UBAP1: variants seen among roughly 807,000 people sequenced by gnomAD.
UBAP1 encodes the protein ubiquitin-associated protein 1.
In UBAP1, 5 loss-of-function variants were observed where a neutral mutation model predicts 39.0. That is an observed-to-expected ratio of 0.13 (90% CI 0.07 to 0.27). The LOEUF (loss-of-function observed/expected upper bound fraction) is 0.27, where lower values mean the gene tolerates loss of function less well. Ranked by LOEUF, UBAP1 falls within the 10% of genes least tolerant of loss-of-function variation. UBAP1 has a pLI of 1.00. For synonymous variants in UBAP1, 211 were observed against 225.1 expected (o/e 0.94, Z 0.56); for missense variants, 490 against 608.1 (o/e 0.81, Z 2.04).
At chr9:34,203,817 A>C (rs1007397865) in intron 1 of UBAP1, among the ~76,000 whole-genome samples, 2 of 152,086 alleles carry the variant, frequency 1.3e-5, no homozygotes, top group Admixed American at 1.3e-4. Context: ...CTTTAGGCCT[A>C]CAGTGTTCCC....
intron 1 of UBAP1, among the ~76,000 whole-genome samples, chr9:34,217,783 C>CTTT (rs750494361): frequency 0.1 from 4,311 of 41,216 alleles, 1,355 homozygotes; most frequent in Middle Eastern, 0.25. Context: ...GGATTTCGTT[C>CTTT]TTTTTTTTTT....
intron 2 of UBAP1, among the ~76,000 whole-genome samples, chr9:34,226,944 C>T (rs10814080): frequency 0.17 from 25,920 of 152,064 alleles, 2,504 homozygotes; most frequent in East Asian, 0.44. Flanking sequence ...TCTGCTCACA[C>T]ATGTTTAGTT....
At chr9:34,225,254 C>A (rs1045914858) in intron 2 of UBAP1, among the ~76,000 whole-genome samples, 2 of 151,904 alleles carry the variant, frequency 1.3e-5, no homozygotes, top group African/African-American at 4.8e-5. Flanking sequence ...CTGACTAGGT[C>A]TGGTGCTGTG....
chr9:34,234,422 A>G, intron 3 of UBAP1, 82 bp downstream of exon 3: 3 of 1,464,900 alleles, frequency 2.0e-6, no homozygotes, highest in South Asian at 1.4e-5. Flanking sequence ...AATAGAAAAA[A>G]TTACAGTTGT....
chr9:34,194,954 A>G (rs1485718386), intron 1 of UBAP1, among the ~76,000 whole-genome samples: 1 of 152,182 alleles, frequency 6.6e-6, no homozygotes, highest in Non-Finnish European at 1.5e-5. Context: ...AACTTGTACA[A>G]GGGATACGTA....
At chr9:34,186,532 A>G (rs1458277224) in intron 1 of UBAP1, among the ~76,000 whole-genome samples, 4 of 152,122 alleles carry the variant, frequency 2.6e-5, no homozygotes, top group Non-Finnish European at 4.4e-5. Context: ...AACACTTGAT[A>G]TTGTCAGATT....
At chr9:34,182,591 GTTCT>G (rs1184957104) in intron 1 of UBAP1, among the ~76,000 whole-genome samples, 1 of 151,144 alleles carries the variant, frequency 6.6e-6, no homozygotes, top group East Asian at 1.9e-4. Flanking sequence ...AGCTTTTCGT[GTTCT>G]TTTTTCTTTT....
Position 34,251,302 on chromosome 9 carries a change from C to G in UBAP1, c.1369-90C>G, listed in dbSNP as rs965589468. On this transcript the variant is annotated intron_variant, in intron 6 of 6. Coordinates refer to ENST00000297661, the MANE Select transcript of UBAP1 (RefSeq NM_016525.5). ...GAAGGATGTAGACATTCTGCTCTCC[C>G]CCAGTCCCCGTCCCACACACACACT... 5 of 1,399,680 alleles carry G rather than the reference C, an allele frequency of 3.6e-6. No homozygotes were observed. In the African/African-American group the frequency reaches 7.1e-5, roughly 20 times the overall value. The allele number at this position is 1,399,680 out of a possible 1,614,324, so 86.7% of individuals were successfully genotyped here.
chr9:34,181,116 C>CTTTTT (rs67856544), intron 1 of UBAP1, among the ~76,000 whole-genome samples: 60 of 72,092 alleles, frequency 8.3e-4, no homozygotes, highest in Admixed American at 1.6e-3. Context: ...GGCCTGTTTT[C>CTTTTT]TTTTTTTTTT....
intron 2 of UBAP1, among the ~76,000 whole-genome samples, chr9:34,225,002 C>T (rs1262900517): frequency 2.0e-5 from 3 of 152,322 alleles, no homozygotes; most frequent in African/African-American, 7.2e-5. Context: ...CTTTCAGTTT[C>T]AGTGGCTAGC....
chr9:34,222,124 AC>A (rs1438425590), intron 2 of UBAP1, among the ~76,000 whole-genome samples: 2 of 152,118 alleles, frequency 1.3e-5, no homozygotes, highest in South Asian at 2.1e-4. Flanking sequence ...CCTGACTCAA[AC>A]AAAAAAAATA....
chr9:34,241,310 C>T lies in UBAP1; in HGVS notation c.285C>T (p.Gly95=). 1 of 1,516,596 alleles carries T rather than the reference C, an allele frequency of 6.6e-7. No individual in the cohort carries two copies. The allele number at this position is 1,516,596 out of a possible 1,614,324, so 93.9% of individuals were successfully genotyped here. A position where few individuals can be genotyped will look rare whatever the true frequency, so the allele number is the denominator to read the frequency against. ...EAEAKVNSKS[G]PEGDSKMSFS... is the part of the protein sequence containing the mutation. ...AAGCTAAAGTGAATTCTAAGAGTGG[C>T]CCAGAGGGCGATAGCAAAATGAGCT... The change falls in exon 4 of 7, where the codon GGC becomes GGT. Residue 95 remains glycine, a synonymous_variant. Transcript: ENST00000297661.
chr9:34,196,805 C>T (rs1831086078), intron 1 of UBAP1, among the ~76,000 whole-genome samples: 1 of 151,716 alleles, frequency 6.6e-6, no homozygotes, highest in South Asian at 2.1e-4. Flanking sequence ...TTATTTGGTT[C>T]AGTCATTATA....
At chr9:34,248,942 A>C (rs1834323072) in intron 4 of UBAP1, among the ~76,000 whole-genome samples, 1 of 152,082 alleles carries the variant, frequency 6.6e-6, no homozygotes, top group Non-Finnish European at 1.5e-5. Context: ...TTGGCCTGGG[A>C]GTGTGCTGTC....
chr9:34,192,515 C>CAAAAAAA (rs4008753), intron 1 of UBAP1, among the ~76,000 whole-genome samples: 1 of 107,506 alleles, frequency 9.3e-6, no homozygotes, highest in Non-Finnish European at 1.8e-5. Flanking sequence ...GACTCCATCT[C>CAAAAAAA]AAAAAAAAAA....
At position 34,240,611 on chromosome 9, in the gene UBAP1, T is replaced by TA. The variant is rs1354543913; in HGVS notation, c.160-572dup. On this transcript the variant is annotated intron_variant, in intron 3 of 6. Coordinates refer to ENST00000297661, the MANE Select transcript of UBAP1 (RefSeq NM_016525.5). The stretch of plus-strand genomic sequence containing the variant: ...TGTGTAATTTGCTGTGTAAAAATCT[T>TA]AATCTGATTTCTTATAAGTTTTTCT... Among the ~76,000 whole-genome samples, 21 of 152,348 alleles carry TA rather than the reference T, an allele frequency of 1.4e-4. No individual in the cohort carries two copies. In the South Asian group the frequency reaches 3.7e-3, roughly 27 times the overall value.
At chr9:34,210,217 G>A (rs1014341793) in intron 1 of UBAP1, among the ~76,000 whole-genome samples, 26 of 152,090 alleles carry the variant, frequency 1.7e-4, no homozygotes, top group African/African-American at 4.1e-4. Context: ...AGCCAAGTAC[G>A]CCGATGTGCA....
intron 2 of UBAP1, among the ~76,000 whole-genome samples, chr9:34,228,787 G>T (rs188157856): frequency 4.0e-5 from 6 of 149,960 alleles, no homozygotes; most frequent in Admixed American, 1.3e-4. Context: ...CACCATGTTG[G>T]CCAGGCTGGT....
chr9:34,218,527 C>CTA (rs397709261), intron 1 of UBAP1, among the ~76,000 whole-genome samples: 6 of 151,696 alleles, frequency 4.0e-5, no homozygotes, highest in Admixed American at 1.3e-4. Flanking sequence ...ATTCACAACT[C>CTA]ATTGCTGGAA....
Sources: allele counts gnomAD v4.1 joint callset (sites outside exome capture counted in the v4.1 genomes callset), GRCh38; gene constraint gnomAD v4.1.1; transcripts MANE v1.5; gene names NCBI Gene and HGNC (gene_info 2026-07-23, HGNC 2026-07-21).